TRNAU1AP: variants seen among roughly 807,000 people sequenced by gnomAD.
TRNAU1AP encodes the protein tRNA selenocysteine 1-associated protein 1.
Under a neutral mutation model 43.3 loss-of-function variants are expected in TRNAU1AP, and 33 were observed. The observed-to-expected ratio is 0.76, with a 90% CI of 0.58 to 1.02. The LOEUF (loss-of-function observed/expected upper bound fraction) is 1.02, where lower values mean the gene tolerates loss of function less well. Ranked by LOEUF, TRNAU1AP falls within the 50% of genes least tolerant of loss-of-function variation. The probability of loss-of-function intolerance (pLI) is 0.00; values close to 1 mark genes in which losing one functional copy is unlikely to be tolerated. For missense variants in TRNAU1AP, 290 were observed against 362.7 expected (o/e 0.80, Z 1.63); for synonymous variants, 143 against 129.1 (o/e 1.11, Z -0.73).
Position 28,577,660 on chromosome 1 carries a change from T to TG in TRNAU1AP, c.*25dup, listed in dbSNP as rs1438559159. On this transcript the variant is annotated 3_prime_UTR_variant, in exon 9 of 9. Coordinates refer to ENST00000373830, the MANE Select transcript of TRNAU1AP (RefSeq NM_017846.5). ...AGCCAGGCCAAAGGACAAGCCAGGT[T>TG]GCATGATGTGAGGGAGATGAGAGAC... 6.2e-7 allele frequency: 1 copy of TG among 1,602,894 alleles called. No homozygotes were observed. The highest frequency in any genetic ancestry group is 8.5e-7 in the Non-Finnish European group (1 of 1,174,778).
intron 5 of TRNAU1AP, among the ~76,000 whole-genome samples, chr1:28,566,439 G>A (rs917923916): frequency 1.3e-5 from 2 of 151,342 alleles, no homozygotes; most frequent in Non-Finnish European, 2.9e-5. Flanking sequence ...CCAACATAGC[G>A]AAACCCAGGT....
At chr1:28,566,329 A>AG (rs1392319986) in intron 5 of TRNAU1AP, among the ~76,000 whole-genome samples, 6 of 150,252 alleles carry the variant, frequency 4.0e-5, no homozygotes, top group Non-Finnish European at 8.9e-5. Flanking sequence ...AAAAAAAAAA[A>AG]AAGAAGAGCC....
intron 8 of TRNAU1AP, among the ~76,000 whole-genome samples, chr1:28,572,750 C>T (rs1197806668): frequency 4.0e-5 from 6 of 150,868 alleles, no homozygotes; most frequent in Non-Finnish European, 8.9e-5. Flanking sequence ...CTGGCTAACA[C>T]GGTGAAACCC....
intron 2 of TRNAU1AP, among the ~76,000 whole-genome samples, chr1:28,554,277 CT>C (rs1209856144): frequency 6.6e-6 from 1 of 151,680 alleles, no homozygotes; most frequent in Non-Finnish European, 1.5e-5. Flanking sequence ...ACTCTATGAC[CT>C]TGGGTAAGTT....
chr1:28,571,786 A>AAAAAAAAT, intron 7 of TRNAU1AP, 81 bp from the exon 8 acceptor site: 1 of 1,008,566 alleles, frequency 9.9e-7, no homozygotes, highest in Non-Finnish European at 1.5e-6. Flanking sequence ...CCACCTCAAA[A>AAAAAAAAT]AAAATAAAAA....
chr1:28,571,482 T>A, intron 7 of TRNAU1AP, 144 bp downstream of exon 7: 1 of 841,574 alleles, frequency 1.2e-6, no homozygotes, highest in Non-Finnish European at 1.8e-6. Flanking sequence ...TTCCTCTTGT[T>A]AAAAATAAGC....
chr1:28,571,428 G>A, intron 7 of TRNAU1AP, 90 bp downstream of exon 7: 2 of 1,352,236 alleles, frequency 1.5e-6, no homozygotes, highest in African/African-American at 1.5e-5. Flanking sequence ...GTAAGGACAG[G>A]GGCTTGGGCT....
chr1:28,569,296 G>A (rs911518192), intron 6 of TRNAU1AP, among the ~76,000 whole-genome samples: 2 of 152,188 alleles, frequency 1.3e-5, no homozygotes, highest in African/African-American at 4.8e-5. Context: ...TCTGGTGGCT[G>A]AAGTGGGAGA....
chr1:28,553,321 GGGGTCCT>G lies in TRNAU1AP; in HGVS notation c.27+188_27+194del, dbSNP rs952055557. 1.0e-3 allele frequency: 792 copies of G among 772,966 alleles called. 3 individuals are homozygous for G. In the African/African-American group the frequency reaches 0.012, roughly 12 times the overall value. 47.9% of individuals were successfully genotyped at this position (772,966 alleles called of 1,614,324 possible). ...TGAAGAGGCTGAGTCCGTGAGGCTA[GGGGTCCT>G]GGGGCCCCACCTGGGTTCGTGGGAG... On this transcript the variant is annotated intron_variant, in intron 1 of 8. Transcript: ENST00000373830.
In TRNAU1AP at chr1:28,553,685, A is replaced by G; in HGVS notation, c.73A>G (p.Thr25Ala). Residue 25 changes from threonine (T) to alanine (A), a missense_variant, in exon 2 of 9, where the codon ACC (threonine) becomes GCC (alanine). Thr to Ala is a moderately conservative substitution (Grantham distance 58). This residue lies in a region of TRNAU1AP where 59 missense variants were observed against 45.5 expected (regional missense o/e 1.30). Transcript: ENST00000373830. ...DENFISRAFA[T>A]MGETVMSVKI... is the part of the protein sequence containing the mutation. ...GAACTTCATCTCCAGAGCCTTTGCC[A>G]CCATGGGGGAGACCGTAATGAGCGT... 1 of 1,614,128 alleles carries G rather than the reference A, an allele frequency of 6.2e-7. No individual in the cohort carries two copies. The highest frequency in any genetic ancestry group is 8.5e-7 in the Non-Finnish European group (1 of 1,180,032).
At chr1:28,556,809 G>A (rs1665275386) in intron 2 of TRNAU1AP, among the ~76,000 whole-genome samples, 1 of 152,010 alleles carries the variant, frequency 6.6e-6, no homozygotes. Flanking sequence ...TCAGCTTCCT[G>A]AGTAGGTGGG....
At chr1:28,554,198 C>CAAAAAAA in intron 2 of TRNAU1AP, 1 of 85,692 alleles carries the variant, frequency 1.2e-5, no homozygotes, top group Non-Finnish European at 2.2e-5. Context: ...AACAATGTCT[C>CAAAAAAA]AAAAAAAAAA....
intron 3 of TRNAU1AP, chr1:28,561,132 A>G (rs958457481): frequency 2.6e-5 from 37 of 1,410,462 alleles, no homozygotes; most frequent in Non-Finnish European, 3.2e-5. Flanking sequence ...TTACAGCTGC[A>G]CCAGCTGGCA....
intron 8 of TRNAU1AP, among the ~76,000 whole-genome samples, chr1:28,575,979 G>C (rs1665770770): frequency 6.7e-6 from 1 of 150,236 alleles, no homozygotes; most frequent in Non-Finnish European, 1.5e-5. Flanking sequence ...TCCTGCCTCA[G>C]CCTCCCGAGT....
intron 5 of TRNAU1AP, 126 bp from the exon 6 acceptor site, chr1:28,567,166 CTT>C (rs1448392947): frequency 4.1e-6 from 4 of 987,038 alleles, no homozygotes; most frequent in Non-Finnish European, 6.0e-6. Flanking sequence ...TGGACTCTCT[CTT>C]TCTCTTCTCA....
At chr1:28,569,362 T>C (rs1665609347) in intron 6 of TRNAU1AP, among the ~76,000 whole-genome samples, 1 of 152,060 alleles carries the variant, frequency 6.6e-6, no homozygotes, top group Non-Finnish European at 1.5e-5. Flanking sequence ...TCCACTGCAC[T>C]CTAGCCCAGG....
chr1:28,564,638 A>C, intron 4 of TRNAU1AP, 65 bp from the exon 5 acceptor site: 1 of 1,564,088 alleles, frequency 6.4e-7, no homozygotes, highest in Non-Finnish European at 8.6e-7. Flanking sequence ...TGGAATATGC[A>C]AAAGAGCTTT....
intron 2 of TRNAU1AP, among the ~76,000 whole-genome samples, chr1:28,556,973 G>A (rs865964953): frequency 8.5e-5 from 11 of 129,084 alleles, no homozygotes; most frequent in African/African-American, 2.3e-4. Context: ...CACTGCGCCC[G>A]GCCTAATTTT....
At chr1:28,564,867 TGTTA>T (rs772175008) in intron 5 of TRNAU1AP, 33 bp downstream of exon 5, 24 of 1,612,836 alleles carry the variant, frequency 1.5e-5, no homozygotes, top group Middle Eastern at 1.7e-4. Flanking sequence ...TGCTTAACTG[TGTTA>T]GTTTCAGCCT....
Sources: gnomAD v4.1 joint callset for allele counts (sites outside exome capture counted in the v4.1 genomes callset) on GRCh38, gnomAD v4.1.1 for gene constraint, gnomAD v4.1.1 regional missense constraint, MANE v1.5 for transcripts, NCBI Gene and HGNC (gene_info 2026-07-23, HGNC 2026-07-21) for gene names.